Variants in GPATCH2L observed in about 807,000 individuals in gnomAD.
GPATCH2L encodes G-patch domain containing 2 like.
Under a neutral mutation model 57.4 loss-of-function variants are expected in GPATCH2L, and 31 were observed. The observed-to-expected ratio is 0.54, with a 90% CI of 0.41 to 0.73. GPATCH2L has a LOEUF of 0.73. Ranked by LOEUF, GPATCH2L falls within the 30% of genes least tolerant of loss-of-function variation. GPATCH2L has a pLI of 0.00. For missense variants in GPATCH2L, 481 were observed against 599.9 expected (o/e 0.80, Z 2.07); for synonymous variants, 199 against 210.7 (o/e 0.94, Z 0.48).
intron 9 of GPATCH2L, among the ~76,000 whole-genome samples, chr14:76,200,342 T>C (rs1299176398): frequency 6.6e-6 from 1 of 152,256 alleles, no homozygotes; most frequent in Non-Finnish European, 1.5e-5. Context: ...TATATTTTAC[T>C]ATAATAAAAA....
At chr14:76,200,777 A>T (rs1367653371) in intron 9 of GPATCH2L, among the ~76,000 whole-genome samples, 1 of 152,194 alleles carries the variant, frequency 6.6e-6, no homozygotes, top group Non-Finnish European at 1.5e-5. Context: ...TGTGATCCAC[A>T]ATTTGAAAAT....
At chr14:76,191,901 A>G (rs1294334563) in intron 8 of GPATCH2L, among the ~76,000 whole-genome samples, 3 of 152,020 alleles carry the variant, frequency 2.0e-5, no homozygotes, top group Non-Finnish European at 4.4e-5. Flanking sequence ...TCTAGCTATA[A>G]GTTTATATCT....
rs1042716804 is a variant in GPATCH2L at position 76,206,532 on chromosome 14, G to T, written c.*4681G>T. The stretch of plus-strand genomic sequence containing the variant: ...TAAAAAATTTTTAAAGTACAGTGTT[G>T]AAGAATGGGGCATGTCATGAAGACA... On this transcript the variant is annotated 3_prime_UTR_variant, in exon 10 of 10. Coordinates refer to ENST00000261530, the MANE Select transcript of GPATCH2L (RefSeq NM_017926.4). 6.6e-6 allele frequency: 1 copy of T among 152,216 alleles called. No homozygotes were observed. The highest frequency in any genetic ancestry group is 2.4e-5 in the African/African-American group (1 of 41,446). The allele number at this position is 152,216 out of a possible 1,614,324, so 9.4% of individuals were successfully genotyped here. A position where few individuals can be genotyped will look rare whatever the true frequency, so the allele number is the denominator to read the frequency against.
chr14:76,190,553 G>A (rs1193794645), intron 8 of GPATCH2L, among the ~76,000 whole-genome samples: 1 of 152,088 alleles, frequency 6.6e-6, no homozygotes, highest in Non-Finnish European at 1.5e-5. Context: ...GCCCTGATCA[G>A]ATGAAACAGA....
rs964600609 is a variant in GPATCH2L, at chr14:76,206,399, A to G, written c.*4548A>G. 1.3e-5 allele frequency: 2 copies of G among 152,226 alleles called. No homozygotes were observed. The highest frequency in any genetic ancestry group is 2.1e-4 in the South Asian group (1 of 4,822). 9.4% of individuals were successfully genotyped at this position (152,226 alleles called of 1,614,324 possible). On this transcript the variant is annotated 3_prime_UTR_variant, in exon 10 of 10. Coordinates refer to ENST00000261530, the MANE Select transcript of GPATCH2L (RefSeq NM_017926.4). ...GTATTGTTGAAGAGTATGGACCTACAGGGTTTTTAACAAGTCCAGCAAAAC... is the reference window on the plus strand; with the variant it reads ...GTATTGTTGAAGAGTATGGACCTACGGGGTTTTTAACAAGTCCAGCAAAAC...
chr14:76,194,504 T>TGTGTGTGC (rs1375603616), intron 8 of GPATCH2L, among the ~76,000 whole-genome samples: 18 of 152,208 alleles, frequency 1.2e-4, no homozygotes, highest in Admixed American at 7.9e-4. Flanking sequence ...TGTGTGTGTG[T>TGTGTGTGC]GCACGCTCAT....
At chr14:76,220,052 C>T (rs1414171415) in intron 1 of GPATCH2L, among the ~76,000 whole-genome samples, 2 of 152,114 alleles carry the variant, frequency 1.3e-5, no homozygotes, top group Non-Finnish European at 1.5e-5. Flanking sequence ...TCCACGTTGT[C>T]AGGGTTTGAC....
chr14:76,180,483 A>G (rs561884059), intron 7 of GPATCH2L, among the ~76,000 whole-genome samples: 1 of 152,366 alleles, frequency 6.6e-6, no homozygotes, highest in South Asian at 2.1e-4. Flanking sequence ...TCATGTGGAA[A>G]AAACTGTCTT....
chr14:76,228,343 G>A (rs1281100446), intron 1 of GPATCH2L, among the ~76,000 whole-genome samples: 1 of 152,168 alleles, frequency 6.6e-6, no homozygotes, highest in Non-Finnish European at 1.5e-5. Flanking sequence ...TGATGTGTGT[G>A]TGTGTGCGTG....
intron 8 of GPATCH2L, among the ~76,000 whole-genome samples, chr14:76,181,267 T>C (rs1305119194): frequency 6.6e-6 from 1 of 152,338 alleles, no homozygotes; most frequent in African/African-American, 2.4e-5. Context: ...TGTTTTGTTC[T>C]TCAAAAATTG....
chr14:76,154,177 A>T lies in GPATCH2L; in HGVS notation c.-10-177A>T. ...ATTTTTAGTGACTTAAGGAAGTGGTAGGAACAGAATCTAAGTGTAGCCAGA... is the reference window on the plus strand; with the variant it reads ...ATTTTTAGTGACTTAAGGAAGTGGTTGGAACAGAATCTAAGTGTAGCCAGA... On this transcript the variant is annotated intron_variant, in intron 1 of 9. Transcript: ENST00000261530. This position sits in a 1 kb window ranked among gnomAD's most constrained non-coding sequence, Gnocchi z 4.4. The T allele has an allele frequency of 1.8e-6, 1 of 546,352 alleles. No homozygotes were observed. Among genetic ancestry groups the T allele is most frequent in the African/African-American group, 1.9e-5 (1 of 52,570 alleles). The allele number at this position is 546,352 out of a possible 1,614,324, so 33.8% of individuals were successfully genotyped here.
In GPATCH2L at chr14:76,202,016, A is replaced by G. The variant is rs2040319831; in HGVS notation, c.*165A>G. ...AGTGGATTCTTTCTCTCAGAAGATC[A>G]TGTTGTGGGAATCTTTTTTTTAAAT... On this transcript the variant is annotated 3_prime_UTR_variant, in exon 10 of 10. Transcript: ENST00000261530. 3.8e-6 allele frequency: 2 copies of G among 522,774 alleles called. No individual in the cohort carries two copies. Among genetic ancestry groups the G allele is most frequent in the African/African-American group, 1.9e-5 (1 of 51,394 alleles). The allele number at this position is 522,774 out of a possible 1,614,324, so 32.4% of individuals were successfully genotyped here. A position where few individuals can be genotyped will look rare whatever the true frequency, so the allele number is the denominator to read the frequency against.
chr14:76,166,814 T>G, intron 3 of GPATCH2L, 87 bp downstream of exon 3: 1 of 919,430 alleles, frequency 1.1e-6, no homozygotes, highest in South Asian at 1.4e-5. Flanking sequence ...GAGAATATGG[T>G]GACTGTCTAT....
At position 76,210,844 on chromosome 14, in the gene GPATCH2L, A is replaced by G. The variant is rs895242228; in HGVS notation, c.*8993A>G. 2.6e-5 allele frequency: 4 copies of G among 152,192 alleles called. No homozygotes were observed. The highest frequency in any genetic ancestry group is 4.8e-5 in the African/African-American group (2 of 41,442). 9.4% of individuals were successfully genotyped at this position (152,192 alleles called of 1,614,324 possible). A position where few individuals can be genotyped will look rare whatever the true frequency, so the allele number is the denominator to read the frequency against. ...GGCTTTTAGAAATGCCCCTTCATTC[A>G]TTAGATGTGTATGGAACACATCTTA... On this transcript the variant is annotated 3_prime_UTR_variant, in exon 10 of 10. Coordinates refer to ENST00000261530, the MANE Select transcript of GPATCH2L (RefSeq NM_017926.4).
rs1334718302 is a variant in GPATCH2L, at chr14:76,210,205, C to T, written c.*8354C>T. 6.6e-6 allele frequency: 1 copy of T among 152,216 alleles called. No individual in the cohort carries two copies. The highest frequency in any genetic ancestry group is 2.4e-5 in the African/African-American group (1 of 41,450). The allele number at this position is 152,216 out of a possible 1,614,324, so 9.4% of individuals were successfully genotyped here. A position where few individuals can be genotyped will look rare whatever the true frequency, so the allele number is the denominator to read the frequency against. ...TCTGCCATTTGGAAGCAACATCTCA[C>T]TTATTCAACAACTCTAAAGGTAGGT... On this transcript the variant is annotated 3_prime_UTR_variant, in exon 10 of 10. Transcript: ENST00000261530.
intron 4 of GPATCH2L, among the ~76,000 whole-genome samples, chr14:76,172,886 G>A (rs534635177): frequency 6.6e-6 from 1 of 152,170 alleles, no homozygotes; most frequent in East Asian, 1.9e-4. Flanking sequence ...GTTGGTGCTT[G>A]GTAAAGACTA....
intron 2 of GPATCH2L, among the ~76,000 whole-genome samples, chr14:76,230,976 GT>G (rs1270365886): frequency 6.6e-6 from 1 of 152,156 alleles, no homozygotes; most frequent in African/African-American, 2.4e-5. Context: ...CCTGTGCCAT[GT>G]TTTTTTATAC....
At chr14:76,228,211 C>T (rs1050782021) in intron 1 of GPATCH2L, among the ~76,000 whole-genome samples, 1 of 152,098 alleles carries the variant, frequency 6.6e-6, no homozygotes, top group Non-Finnish European at 1.5e-5. Context: ...ATTGTTTCCT[C>T]TTTACCCTGA....
At chr14:76,170,751 C>T (rs1479818608) in intron 3 of GPATCH2L, 1 of 152,052 alleles carries the variant, frequency 6.6e-6, no homozygotes. Context: ...AATTGAGAAA[C>T]ATTTATGGGT....
Sources: allele counts gnomAD v4.1 joint callset (sites outside exome capture counted in the v4.1 genomes callset), GRCh38; gene constraint gnomAD v4.1.1; non-coding constraint Gnocchi (gnomAD v3.1); transcripts MANE v1.5; gene names NCBI Gene and HGNC (gene_info 2026-07-23, HGNC 2026-07-21).